Variants in NYNRIN observed in about 807,000 individuals in gnomAD.
The protein encoded by NYNRIN is NYN domain and retroviral integrase containing, also known as protein NYNRIN.
Under a neutral mutation model 146.6 loss-of-function variants are expected in NYNRIN, and 86 were observed. That is an observed-to-expected ratio of 0.59 (90% CI 0.49 to 0.70). The LOEUF (loss-of-function observed/expected upper bound fraction) is 0.70, where lower values mean the gene tolerates loss of function less well. Ranked by LOEUF, NYNRIN falls within the 30% of genes least tolerant of loss-of-function variation. The pLI is 0.00. For synonymous variants in NYNRIN, 1,027 were observed against 1,001.3 expected, an observed-to-expected ratio of 1.03 and a Z score of -0.48; for missense variants, 2,191 against 2,377.7, an observed-to-expected ratio of 0.92 and a Z score of 1.63.
In NYNRIN at chr14:24,411,562, G is replaced by A; in HGVS notation, c.2642+112G>A. The A allele has an allele frequency of 1.1e-6, 1 of 915,528 alleles. No homozygotes were observed. The highest frequency in any genetic ancestry group is 1.7e-6 in the Non-Finnish European group (1 of 572,120). The allele number at this position is 915,528 out of a possible 1,614,324, so 56.7% of individuals were successfully genotyped here. ...GGGAAATGGAGGCAAACATGTTGGG[G>A]GTGTCGGTTGTGCAGAGGGTGGGGT... On this transcript the variant is annotated intron_variant, in intron 6 of 8. Coordinates refer to ENST00000382554, the MANE Select transcript of NYNRIN (RefSeq NM_025081.3). The surrounding 1 kb of genome is among the most constrained non-coding windows in gnomAD (Gnocchi z 4.3).
chr14:24,415,400 G>T lies in NYNRIN; in HGVS notation c.3651G>T (p.Lys1217Asn), dbSNP rs2042937963. 1 of 1,613,992 alleles carries T rather than the reference G, an allele frequency of 6.2e-7. No homozygotes were observed. Among genetic ancestry groups the T allele is most frequent in the African/African-American group, 1.3e-5 (1 of 75,052 alleles). ...CCTATGCTGTGGCCTGGGCCCTCAAGCATTTTTCCCGCTGCATTGGAGACA... is the reference window on the plus strand; with the variant it reads ...CCTATGCTGTGGCCTGGGCCCTCAATCATTTTTCCCGCTGCATTGGAGACA... ...DSPYAVAWAL[K>N]HFSRCIGDTP... Residue 1217 changes from lysine (K) to asparagine (N), a missense_variant, in exon 9 of 9, where the codon AAG becomes AAT. Coordinates refer to ENST00000382554, the MANE Select transcript of NYNRIN (RefSeq NM_025081.3).
chr14:24,404,921 C>T (rs1393269429), intron 2 of NYNRIN, among the ~76,000 whole-genome samples: 1 of 152,040 alleles, frequency 6.6e-6, no homozygotes, highest in African/African-American at 2.4e-5. Flanking sequence ...GCTGATCAAC[C>T]TCGACTCCTA....
chr14:24,408,010 C>A lies in NYNRIN; in HGVS notation c.340C>A (p.Pro114Thr), dbSNP rs1277310742. 3 of 1,613,894 alleles carry A rather than the reference C, an allele frequency of 1.9e-6. No individual in the cohort carries two copies. The highest frequency in any genetic ancestry group is 3.3e-5 in the Admixed American group (2 of 60,004). ...CACCCTTGCCTACCTGGTGCCTGGC[C>A]CCCCTGGCTCCCTGATGGTGGGCGG... ...WSTLAYLVPGPPGSLMVGGLT... is the reference protein window; with the variant it reads ...WSTLAYLVPGTPGSLMVGGLT... The change falls in exon 3 of 9, where the codon CCC (proline) becomes ACC (threonine). Residue 114 changes from proline to threonine, a missense_variant. Coordinates refer to ENST00000382554, the MANE Select transcript of NYNRIN (RefSeq NM_025081.3).
intron 2 of NYNRIN, among the ~76,000 whole-genome samples, chr14:24,405,157 T>G (rs977759928): frequency 6.6e-6 from 1 of 152,102 alleles, no homozygotes; most frequent in Non-Finnish European, 1.5e-5. Flanking sequence ...ATGTTCCCCT[T>G]CACTTCCAAT....
intron 2 of NYNRIN, among the ~76,000 whole-genome samples, chr14:24,405,649 C>A (rs1403599170): frequency 1.3e-5 from 2 of 152,186 alleles, no homozygotes; most frequent in Non-Finnish European, 2.9e-5. Context: ...GACTGTGGAG[C>A]TAGAGTGCCT....
In NYNRIN at chr14:24,400,452, T is replaced by G. The variant is rs550467521; in HGVS notation, c.198+1008T>G. On this transcript the variant is annotated intron_variant, in intron 2 of 8. Coordinates refer to ENST00000382554, the MANE Select transcript of NYNRIN (RefSeq NM_025081.3). ...CACGCACACCTACTGCAGATGGGTT[T>G]ATACCTATATCTTAATTGGTCAAGG... Among the ~76,000 whole-genome samples, 27 of 152,334 alleles carry G rather than the reference T, an allele frequency of 1.8e-4. No homozygotes were observed. The South Asian group carries it at 1.9e-3, about 11-fold the overall frequency.
Position 24,408,910 on chromosome 14 carries a change from T to C in NYNRIN, c.1116T>C (p.Asn372=). 6.2e-7 allele frequency: 1 copy of C among 1,613,816 alleles called. No individual in the cohort carries two copies. Among genetic ancestry groups the C allele is most frequent in the Non-Finnish European group, 8.5e-7 (1 of 1,179,686 alleles). The change falls in exon 4 of 9, where the codon AAT becomes AAC. Residue 372 remains asparagine (N), a synonymous_variant. Transcript: ENST00000382554. ...GAIAATFWRI[N]ELHSLHLAWL... ...TTGCTGCAACCTTCTGGAGGATCAATGAGCTGCATTCTCTACATCTGGCCT... is the reference window on the plus strand; with the variant it reads ...TTGCTGCAACCTTCTGGAGGATCAACGAGCTGCATTCTCTACATCTGGCCT...
rs767958088 is a variant in NYNRIN at position 24,416,298 on chromosome 14, G to A, written c.4549G>A (p.Asp1517Asn). ...TTCTGCCTTTAACTCACTCAGCCTC[G>A]ACAAGGAGAGTGGCCTGCTTATGTT... ...FSSAFNSLSLDKESGLLMFKG... is the reference protein window; with the variant it reads ...FSSAFNSLSLNKESGLLMFKG... Residue 1517 changes from aspartate (D) to asparagine (N), a missense_variant, in exon 9 of 9, where the codon GAC becomes AAC. Asp to Asn is a conservative substitution (Grantham distance 23). This residue lies in a region of NYNRIN where 1,291 missense variants were observed against 1,417.0 expected (regional missense o/e 0.91). Coordinates refer to ENST00000382554, the MANE Select transcript of NYNRIN (RefSeq NM_025081.3). 1.1e-5 allele frequency: 17 copies of A among 1,613,828 alleles called. No individual in the cohort carries two copies. The East Asian group carries it at 2.0e-4, about 19-fold the overall frequency.
intron 2 of NYNRIN, among the ~76,000 whole-genome samples, chr14:24,401,215 C>T (rs1031812242): frequency 5.9e-5 from 9 of 152,210 alleles, no homozygotes; most frequent in African/African-American, 2.2e-4. Flanking sequence ...AGATCTCACA[C>T]CTCAGGCTCC....
At position 24,416,798 on chromosome 14, in the gene NYNRIN, C is replaced by G. The variant is rs1199920363; in HGVS notation, c.5049C>G (p.Pro1683=). The G allele has an allele frequency of 6.2e-7, 1 of 1,612,580 alleles. No individual in the cohort carries two copies. Among genetic ancestry groups the G allele is most frequent in the Non-Finnish European group, 8.5e-7 (1 of 1,179,174 alleles). The change falls in exon 9 of 9, where the codon CCC becomes CCG. Residue 1683 remains proline (P), a synonymous_variant. Coordinates refer to ENST00000382554, the MANE Select transcript of NYNRIN (RefSeq NM_025081.3). ...TGAGGCTGGAGGCAGCCCAGGGGCC[C>G]CAGTTTGCCCGGCACGTCCTTGTGA... ...VPVRLEAAQG[P]QFARHVLVSC... is the part of the protein sequence containing the mutation.
In NYNRIN at chr14:24,417,735, G is replaced by T; in HGVS notation, c.*289G>T. 2.9e-6 allele frequency: 1 copy of T among 346,580 alleles called. No individual in the cohort carries two copies. Among genetic ancestry groups the T allele is most frequent in the East Asian group, 4.8e-5 (1 of 20,946 alleles). 21.5% of individuals were successfully genotyped at this position (346,580 alleles called of 1,614,324 possible). A position where few individuals can be genotyped will look rare whatever the true frequency, so the allele number is the denominator to read the frequency against. On this transcript the variant is annotated 3_prime_UTR_variant, in exon 9 of 9. Coordinates refer to ENST00000382554, the MANE Select transcript of NYNRIN (RefSeq NM_025081.3). ...TCCTCTAGGCTATACCAGGCTCAGT[G>T]TCTTCTCCCCAAGTATCCTCTTTCC...
intron 2 of NYNRIN, among the ~76,000 whole-genome samples, chr14:24,401,767 C>T (rs892167245): frequency 3.9e-5 from 6 of 152,192 alleles, no homozygotes; most frequent in African/African-American, 1.4e-4. Context: ...AGCTGCGTAA[C>T]TTTGAGCAAG....
chr14:24,415,101 C>T lies in NYNRIN; in HGVS notation c.3352C>T (p.Leu1118=), dbSNP rs951203707. 2 of 1,609,082 alleles carry T rather than the reference C, an allele frequency of 1.2e-6. No homozygotes were observed. The change falls in exon 9 of 9, where the codon CTG becomes TTG. Residue 1118 remains leucine, a synonymous_variant. Transcript: ENST00000382554. The part of the protein sequence containing the change: ...IPDYEALVGP[L]HSLLKQKPDW... ...TGACTATGAAGCCCTAGTGGGCCCC[C>T]TGCACAGCCTCCTCAAGCAGAAGCC...
chr14:24,410,225 G>A lies in NYNRIN; in HGVS notation c.2414+17G>A, dbSNP rs45446502. 3.4e-4 allele frequency: 527 copies of A among 1,557,618 alleles called. 1 individual carries two copies. In the African/African-American group the frequency reaches 5.4e-3, roughly 16 times the overall value. ...GGCCATGGTGTGAGTAGTCACGGGCGTGGGGTGGGCTGGGGATGCTGTGGA... is the reference window on the plus strand; with the variant it reads ...GGCCATGGTGTGAGTAGTCACGGGCATGGGGTGGGCTGGGGATGCTGTGGA... On this transcript the variant is annotated intron_variant, in intron 4 of 8. Transcript: ENST00000382554.
intron 2 of NYNRIN, among the ~76,000 whole-genome samples, chr14:24,403,705 T>G (rs1276679788): frequency 6.6e-6 from 1 of 152,236 alleles, no homozygotes; most frequent in African/African-American, 2.4e-5. Context: ...CTGAGATTTC[T>G]CTTCACCGTC....
At chr14:24,402,649 G>C (rs537457194) in intron 2 of NYNRIN, among the ~76,000 whole-genome samples, 1 of 152,174 alleles carries the variant, frequency 6.6e-6, no homozygotes, top group Non-Finnish European at 1.5e-5. Context: ...CAAGTGAGTG[G>C]AGGAGTATTT....
At chr14:24,402,380 G>T (rs2042849698) in intron 2 of NYNRIN, among the ~76,000 whole-genome samples, 1 of 152,128 alleles carries the variant, frequency 6.6e-6, no homozygotes, top group Non-Finnish European at 1.5e-5. Flanking sequence ...GGATGGGGTG[G>T]GCGGCAGAGA....
At chr14:24,403,958 C>G (rs1314971160) in intron 2 of NYNRIN, among the ~76,000 whole-genome samples, 2 of 152,162 alleles carry the variant, frequency 1.3e-5, no homozygotes, top group African/African-American at 4.8e-5. Flanking sequence ...GGTCCCTGGT[C>G]ATTTGTGTGA....
intron 2 of NYNRIN, among the ~76,000 whole-genome samples, chr14:24,406,939 C>T (rs1316309322): frequency 6.6e-6 from 1 of 152,212 alleles, no homozygotes; most frequent in East Asian, 1.9e-4. Context: ...ACTTGGTCTG[C>T]CCAGAAAGCC....
Sources: allele counts gnomAD v4.1 joint callset (sites outside exome capture counted in the v4.1 genomes callset), GRCh38; gene constraint gnomAD v4.1.1; regional missense constraint gnomAD v4.1.1; non-coding constraint Gnocchi (gnomAD v3.1); transcripts MANE v1.5; gene names NCBI Gene and HGNC (gene_info 2026-07-23, HGNC 2026-07-21).